The following RTL4 variants were observed in gnomAD, a reference collection of about 807,000 sequenced individuals.
RTL4 encodes the protein retrotransposon Gag-like protein 4.
Under a neutral mutation model 5.3 loss-of-function variants are expected in RTL4, and 4 were observed. That is an observed-to-expected ratio of 0.75 (90% confidence interval 0.37 to 1.72). The LOEUF (loss-of-function observed/expected upper bound fraction) is 1.72. Among genes scored for constraint, RTL4 ranks in the 40% most tolerant of loss-of-function variants. The pLI, the probability that RTL4 is intolerant of heterozygous loss-of-function variation, is 0.04. For synonymous variants in RTL4, 98 were observed against 87.3 expected (o/e 1.12, Z -0.68); for missense variants, 260 against 227.1 (o/e 1.14, Z -0.93).
At chrX:112,165,648 T>C in the RTL4 span, among the ~76,000 whole-genome samples, 1 of 111,877 alleles carries the variant, frequency 8.9e-6, no homozygotes, top group African/African-American at 3.3e-5. Flanking sequence ...TCTAATATAT[T>C]CCCTGTACTT....
chrX:112,226,932 A>ATAAAAT, the RTL4 span, among the ~76,000 whole-genome samples: 15 of 95,549 alleles, frequency 1.6e-4, no homozygotes, highest in African/African-American at 6.0e-4. Context: ...TCAAAAAATA[A>ATAAAAT]AATAAAATAA....
the RTL4 span, among the ~76,000 whole-genome samples, chrX:112,095,568 G>A: frequency 9.0e-6 from 1 of 111,588 alleles, no homozygotes; most frequent in Non-Finnish European, 1.9e-5. Flanking sequence ...TGATGGCAGG[G>A]GAAATCTATG....
chrX:112,096,287 G>A, the RTL4 span, among the ~76,000 whole-genome samples: 2 of 112,148 alleles, frequency 1.8e-5, no homozygotes, highest in Non-Finnish European at 3.8e-5. Context: ...TTTCATGTAG[G>A]GTTCTACTTT....
the RTL4 span, among the ~76,000 whole-genome samples, chrX:112,205,015 G>A: frequency 8.9e-6 from 1 of 111,841 alleles, no homozygotes; most frequent in Non-Finnish European, 1.9e-5. Flanking sequence ...ATTCTCCTGT[G>A]TTGATCTTTT....
At chrX:112,168,969 C>A in the RTL4 span, among the ~76,000 whole-genome samples, 1 of 93,415 alleles carries the variant, frequency 1.1e-5, no homozygotes, top group African/African-American at 4.4e-5. Context: ...CTTTCTTTTT[C>A]TTTCTTTCTT....
At chrX:112,353,622 G>A in the RTL4 span, among the ~76,000 whole-genome samples, 9 of 110,298 alleles carry the variant, frequency 8.2e-5, no homozygotes, top group Admixed American at 1.9e-4. Context: ...TCATAGGTGG[G>A]AATTGAACAA....
chrX:112,096,355 T>C, the RTL4 span, among the ~76,000 whole-genome samples: 1 of 111,866 alleles, frequency 8.9e-6, no homozygotes, highest in African/African-American at 3.2e-5. Flanking sequence ...CAACCAACTA[T>C]AGGCATCCCA....
the RTL4 span, among the ~76,000 whole-genome samples, chrX:112,432,673 T>C: frequency 1.1e-5 from 1 of 91,972 alleles, no homozygotes; most frequent in African/African-American, 4.1e-5. Flanking sequence ...TTCTCCCATT[T>C]TGTAGGTTGC....
the RTL4 span, among the ~76,000 whole-genome samples, chrX:112,400,636 G>T: frequency 9.0e-6 from 1 of 111,322 alleles, no homozygotes; most frequent in African/African-American, 3.3e-5. Context: ...CTGGATGCTG[G>T]ATATTTCTCT....
chrX:112,218,172 T>C, the RTL4 span, among the ~76,000 whole-genome samples: 3 of 112,088 alleles, frequency 2.7e-5, no homozygotes, highest in African/African-American at 9.7e-5. Context: ...GGATACTTAG[T>C]AATAGTAGTA....
chrX:112,226,594 T>A, the RTL4 span, among the ~76,000 whole-genome samples: 3 of 111,652 alleles, frequency 2.7e-5, no homozygotes, highest in East Asian at 8.4e-4. Context: ...AGCTATAGTT[T>A]TCATAGATGT....
chrX:112,119,956 G>A, the RTL4 span, among the ~76,000 whole-genome samples: 10 of 112,145 alleles, frequency 8.9e-5, no homozygotes, highest in African/African-American at 2.6e-4. Context: ...GTGGCTTTAC[G>A]TATTTTTGAA....
At chrX:112,450,914 A>G (rs970988275), upstream of RTL4, among the ~76,000 whole-genome samples, 1 of 111,482 alleles carries the variant, frequency 9.0e-6, no homozygotes, top group Non-Finnish European at 1.9e-5. Flanking sequence ...AATGGAAGCA[A>G]TTTTTTTTCA....
chrX:112,345,517 C>A, the RTL4 span, among the ~76,000 whole-genome samples: 2 of 111,050 alleles, frequency 1.8e-5, no homozygotes, highest in African/African-American at 3.3e-5. Context: ...CCAACCTGGA[C>A]CTATTTGTAC....
the RTL4 span, among the ~76,000 whole-genome samples, chrX:112,147,681 G>A: frequency 8.9e-6 from 1 of 112,300 alleles, no homozygotes; most frequent in Admixed American, 9.4e-5. Context: ...GCTCACACCT[G>A]TAATCCCAGC....
the RTL4 span, among the ~76,000 whole-genome samples, chrX:112,434,455 G>T: frequency 6.3e-5 from 7 of 111,696 alleles, no homozygotes; most frequent in Non-Finnish European, 5.6e-5. Context: ...TCCTGGTTTA[G>T]TCTTGGGAGG....
chrX:112,249,984 T>C, the RTL4 span, among the ~76,000 whole-genome samples: 2 of 110,431 alleles, frequency 1.8e-5, no homozygotes, highest in African/African-American at 3.3e-5. Context: ...GGCTTGAAAA[T>C]TGGATAACAG....
At chrX:112,446,076 C>T in the RTL4 span, among the ~76,000 whole-genome samples, 1 of 111,642 alleles carries the variant, frequency 9.0e-6, no homozygotes, top group African/African-American at 3.3e-5. Flanking sequence ...CCACCCATTC[C>T]TACTTTGTCT....
the RTL4 span, among the ~76,000 whole-genome samples, chrX:112,305,042 A>G: frequency 9.0e-6 from 1 of 111,021 alleles, no homozygotes; most frequent in Non-Finnish European, 1.9e-5. Flanking sequence ...TAGCTTATGG[A>G]TCTCGGCTGG....
Sources: allele counts gnomAD v4.1 joint callset (sites outside exome capture counted in the v4.1 genomes callset), GRCh38; gene constraint gnomAD v4.1.1; transcripts MANE v1.5; gene names NCBI Gene and HGNC (gene_info 2026-07-23, HGNC 2026-07-21).